SLC51A: variants seen among roughly 807,000 people sequenced by gnomAD.
The protein encoded by SLC51A is organic solute transporter subunit alpha.
SLC51A carries 22 observed loss-of-function variants against 34.8 expected under a neutral mutation model. The observed-to-expected ratio is 0.63, with a 90% confidence interval of 0.45 to 0.90. The LOEUF is 0.90. SLC51A is among the 40% of genes least tolerant of loss of function. The pLI, the probability that SLC51A is intolerant of heterozygous loss-of-function variation, is 0.00. For missense variants in SLC51A, 371 were observed against 414.8 expected, an observed-to-expected ratio of 0.89 and a Z score of 0.92; for synonymous variants, 181 against 176.3, an observed-to-expected ratio of 1.03 and a Z score of -0.21.
intron 4 of SLC51A, 117 bp downstream of exon 4, chr3:196,227,854 G>C: frequency 1.8e-6 from 2 of 1,089,754 alleles, no homozygotes; most frequent in Non-Finnish European, 2.6e-6. Flanking sequence ...GCTTGTGCTA[G>C]TTCCGGGCTC....
chr3:196,217,560 A>G (rs1321376286), intron 1 of SLC51A, among the ~76,000 whole-genome samples: 2 of 139,860 alleles, frequency 1.4e-5, no homozygotes, highest in African/African-American at 5.0e-5. Context: ...AAAAAAAGAA[A>G]GAAAAAGGAA....
chr3:196,229,273 G>A (rs562686763), intron 6 of SLC51A, among the ~76,000 whole-genome samples: 223 of 152,196 alleles, frequency 1.5e-3, no homozygotes, highest in Admixed American at 2.9e-3. Context: ...GGCTGGACAT[G>A]GTGGCTCACA....
chr3:196,220,701 AG>A lies in SLC51A; in HGVS notation c.133+2768del, dbSNP rs998626356. Reference sequence around the variant, plus strand: ...GGGCAGTGGCAGGGAAAGAAGAGGAAGGGTTGGGAAACAGGCAGTTCAAAGA... The same window carrying A: ...GGGCAGTGGCAGGGAAAGAAGAGGAAGGTTGGGAAACAGGCAGTTCAAAGA... On this transcript the variant is annotated intron_variant, in intron 2 of 8. Coordinates refer to ENST00000296327, the MANE Select transcript of SLC51A (RefSeq NM_152672.6). Among the ~76,000 whole-genome samples, 7 of 152,206 alleles carry A rather than the reference AG, an allele frequency of 4.6e-5. No homozygotes were observed. In the South Asian group the frequency reaches 6.2e-4, roughly 14 times the overall value.
chr3:196,228,326 C>A lies in SLC51A; in HGVS notation c.521+53C>A. On this transcript the variant is annotated intron_variant, in intron 5 of 8. Transcript: ENST00000296327. This position sits in a 1 kb window ranked among gnomAD's most constrained non-coding sequence, Gnocchi z 4.9. ...AGGAGCCGGGGAGCCTCTCCTGGAC[C>A]CCTGGTCCCCTTCAAGGCTCTGGGA... 3 of 1,564,336 alleles carry A rather than the reference C, an allele frequency of 1.9e-6. No homozygotes were observed. The highest frequency in any genetic ancestry group is 2.6e-6 in the Non-Finnish European group (3 of 1,160,296).
Position 196,230,053 on chromosome 3 carries a change from C to A in SLC51A, c.772C>A (p.Leu258Met). 1 of 1,612,360 alleles carries A rather than the reference C, an allele frequency of 6.2e-7. No individual in the cohort carries two copies. The highest frequency in any genetic ancestry group is 1.1e-5 in the South Asian group (1 of 90,828). The stretch of plus-strand genomic sequence containing the variant: ...GCAGAACATGGGAGCCAAATTTGCT[C>A]TGTTCCAGGTAACTATACCCTGGGA... ...GEQNMGAKFALFQVLLILTAL... is the reference protein window; with the variant it reads ...GEQNMGAKFAMFQVLLILTAL... Residue 258 changes from leucine (L) to methionine (M), a missense_variant, in exon 7 of 9, where the codon CTG becomes ATG. By Grantham distance (15) the Leu-to-Met change is conservative. Coordinates refer to ENST00000296327, the MANE Select transcript of SLC51A (RefSeq NM_152672.6).
chr3:196,216,798 C>T lies in SLC51A; in HGVS notation c.38+48C>T, dbSNP rs1400720965. The T allele has an allele frequency of 2.0e-6, 3 of 1,534,996 alleles. No homozygotes were observed. The highest frequency in any genetic ancestry group is 2.4e-5 in the East Asian group (1 of 40,992). On this transcript the variant is annotated intron_variant, in intron 1 of 8. Transcript: ENST00000296327. This position sits in a 1 kb window ranked among gnomAD's most constrained non-coding sequence, Gnocchi z 4.5. ...GGGCCAGTCGCTGGGCAGCGGTGGC[C>T]CCTATCCCGCGGCCTGTCCTCTCTC...
chr3:196,229,839 T>C, intron 6 of SLC51A, 76 bp from the exon 7 acceptor site: 1 of 1,498,802 alleles, frequency 6.7e-7, no homozygotes, highest in African/African-American at 1.4e-5. Flanking sequence ...GGTGACAGAG[T>C]GACACCATCT....
At position 196,217,868 on chromosome 3, in the gene SLC51A, T is replaced by C. The variant is rs777719923; in HGVS notation, c.65T>C (p.Leu22Pro). Residue 22 changes from leucine to proline, a missense_variant, in exon 2 of 9, where the codon CTG becomes CCG. Transcript: ENST00000296327. ...PRYTADLLEV[L>P]KTNYGIPSAC... ...TACACAGCAGATCTTCTGGAGGTGC[T>C]GAAGACCAATTACGGCATCCCCTCC... 3.7e-6 allele frequency: 6 copies of C among 1,613,662 alleles called. No individual in the cohort carries two copies. Among genetic ancestry groups the C allele is most frequent in the Non-Finnish European group, 5.1e-6 (6 of 1,179,888 alleles).
chr3:196,227,073 G>A lies in SLC51A; in HGVS notation c.242G>A (p.Cys81Tyr). Residue 81 changes from cysteine to tyrosine, a missense_variant, in exon 3 of 9, where the codon TGC (cysteine) becomes TAC (tyrosine). Transcript: ENST00000296327. ...GTCTACCTGTACAAGAACACCCTTT[G>A]CCCCATCAAGAGGCGGACTCTGCTC... ...DAVYLYKNTL[C>Y]PIKRRTLLWK... 1 of 1,614,098 alleles carries A rather than the reference G, an allele frequency of 6.2e-7. No individual in the cohort carries two copies. The highest frequency in any genetic ancestry group is 8.5e-7 in the Non-Finnish European group (1 of 1,180,034).
intron 7 of SLC51A, among the ~76,000 whole-genome samples, 199 bp from the exon 8 acceptor site, chr3:196,232,220 A>G (rs938445606): frequency 1.3e-5 from 2 of 152,240 alleles, no homozygotes; most frequent in African/African-American, 4.8e-5. Context: ...CTGGGTAGAA[A>G]ATAAGAATGT....
At position 196,231,799 on chromosome 3, in the gene SLC51A, T is replaced by C. The variant is rs188008329; in HGVS notation, c.781-620T>C. 1.8e-3 allele frequency among the ~76,000 whole-genome samples: 272 copies of C among 152,350 alleles called. 1 individual carries two copies. Among genetic ancestry groups the C allele is most frequent in the African/African-American group, 6.3e-3 (263 of 41,576 alleles). On this transcript the variant is annotated intron_variant, in intron 7 of 8. Transcript: ENST00000296327. ...CTAAGATAAATGGTGCTTCCAGGGC[T>C]TCTGGACAGTGATCTTCTTCTTCTC...
At chr3:196,222,939 G>C (rs1185681947) in intron 2 of SLC51A, among the ~76,000 whole-genome samples, 1 of 151,762 alleles carries the variant, frequency 6.6e-6, no homozygotes, top group African/African-American at 2.4e-5. Context: ...TTCCTAATTA[G>C]AGTACCAAAG....
intron 8 of SLC51A, 50 bp from the exon 9 acceptor site, chr3:196,233,010 TACC>T: frequency 6.3e-7 from 1 of 1,582,582 alleles, no homozygotes; most frequent in Non-Finnish European, 8.6e-7. Flanking sequence ...GCTAGTAAAA[TACC>T]ACCTCTGTAA....
chr3:196,229,902 C>A lies in SLC51A; in HGVS notation c.634-13C>A. ...GCTTGCCTGCCTCACTGACTACTTT[C>A]TGTTGCCACCAGATTTCTGAGGGGA... On this transcript the variant is annotated splice_polypyrimidine_tract_variant and intron_variant, in intron 6 of 8. Coordinates refer to ENST00000296327, the MANE Select transcript of SLC51A (RefSeq NM_152672.6). The A allele has an allele frequency of 6.3e-7, 1 of 1,588,940 alleles. No individual in the cohort carries two copies. Among genetic ancestry groups the A allele is most frequent in the Non-Finnish European group, 8.6e-7 (1 of 1,167,438 alleles).
Position 196,228,590 on chromosome 3 carries a change from G to C in SLC51A, c.522-219G>C, listed in dbSNP as rs921883197. 9.9e-6 allele frequency: 6 copies of C among 607,132 alleles called. No homozygotes were observed. Among genetic ancestry groups the C allele is most frequent in the Non-Finnish European group, 1.7e-5 (6 of 342,990 alleles). The allele number at this position is 607,132 out of a possible 1,614,324, so 37.6% of individuals were successfully genotyped here. On this transcript the variant is annotated intron_variant, in intron 5 of 8. Transcript: ENST00000296327. This position sits in a 1 kb window ranked among gnomAD's most constrained non-coding sequence, Gnocchi z 4.9. ...GGTTGAGGTCACACTCCCAGACCTC[G>C]CTCCAAAGACGGAATTCTTGTCTGG... is the stretch of plus-strand genomic sequence containing the variant.
At chr3:196,227,951 TC>T in intron 4 of SLC51A, 163 bp from the exon 5 acceptor site, 1 of 1,025,166 alleles carries the variant, frequency 9.8e-7, no homozygotes, top group Non-Finnish European at 1.4e-6. Flanking sequence ...AGTCTGAAAT[TC>T]CCCTTCTCCC....
intron 2 of SLC51A, among the ~76,000 whole-genome samples, chr3:196,221,315 T>C (rs1723750677): frequency 6.6e-6 from 1 of 151,904 alleles, no homozygotes; most frequent in Admixed American, 6.6e-5. Context: ...GAATCAATTT[T>C]TTTTTTTTAA....
chr3:196,224,704 G>GA (rs1723851658), intron 2 of SLC51A, among the ~76,000 whole-genome samples: 1 of 98,292 alleles, frequency 1.0e-5, no homozygotes, highest in Non-Finnish European at 2.1e-5. Context: ...GGGCGGGGGG[G>GA]GGAGGAGATG....
rs962932313 is a variant in SLC51A at position 196,228,459 on chromosome 3, T to C, written c.521+186T>C. 6.6e-6 allele frequency among the ~76,000 whole-genome samples: 1 copy of C among 152,182 alleles called. No individual in the cohort carries two copies. Among genetic ancestry groups the C allele is most frequent in the Non-Finnish European group, 1.5e-5 (1 of 68,036 alleles). On this transcript the variant is annotated intron_variant, in intron 5 of 8. Coordinates refer to ENST00000296327, the MANE Select transcript of SLC51A (RefSeq NM_152672.6). This position sits in a 1 kb window ranked among gnomAD's most constrained non-coding sequence, Gnocchi z 4.9. Reference sequence around the variant, plus strand: ...AGGGGAGCAGAGGAAGGAGAGCTCCTCAATTGTCATCACTGAACTTCACTG... The same window carrying C: ...AGGGGAGCAGAGGAAGGAGAGCTCCCCAATTGTCATCACTGAACTTCACTG...
Sources: gnomAD v4.1 joint callset for allele counts (sites outside exome capture counted in the v4.1 genomes callset) on GRCh38, gnomAD v4.1.1 for gene constraint, Gnocchi (gnomAD v3.1) non-coding constraint, MANE v1.5 for transcripts, NCBI Gene and HGNC (gene_info 2026-07-23, HGNC 2026-07-21) for gene names.